Variants in NSMAF observed in about 807,000 individuals in gnomAD.
NSMAF encodes neutral sphingomyelinase activation associated factor.
NSMAF carries 90 observed loss-of-function variants against 134.9 expected under a neutral mutation model. That is an observed-to-expected ratio of 0.67 (90% CI 0.56 to 0.79). The LOEUF (loss-of-function observed/expected upper bound fraction) is 0.79. Among genes scored for constraint, NSMAF ranks in the 30% least tolerant of loss-of-function variants. The probability of loss-of-function intolerance (pLI) is 0.00; values close to 1 mark genes in which losing one functional copy is unlikely to be tolerated. For missense variants in NSMAF, 1,010 were observed against 1,119.0 expected (o/e 0.90, Z 1.39); for synonymous variants, 358 against 389.6 (o/e 0.92, Z 0.96).
intron 9 of NSMAF, among the ~76,000 whole-genome samples, chr8:58,613,565 A>C (rs1265175095): frequency 6.6e-6 from 1 of 152,182 alleles, no homozygotes; most frequent in Non-Finnish European, 1.5e-5. Context: ...AGAGGAACAA[A>C]AAAAAAATGA....
chr8:58,592,907 ACAAC>A (rs1227049800), intron 23 of NSMAF, among the ~76,000 whole-genome samples: 6 of 119,888 alleles, frequency 5.0e-5, no homozygotes, highest in African/African-American at 2.4e-4. Flanking sequence ...AAAAACAAAA[ACAAC>A]AACAACAAAA....
chr8:58,647,550 T>C (rs1187411431), intron 1 of NSMAF, among the ~76,000 whole-genome samples: 1 of 152,082 alleles, frequency 6.6e-6, no homozygotes, highest in Admixed American at 6.6e-5. Context: ...TGGGGGTAGA[T>C]CCCTCATGAC....
chr8:58,648,572 G>C (rs1434722310), intron 1 of NSMAF, among the ~76,000 whole-genome samples: 1 of 152,198 alleles, frequency 6.6e-6, no homozygotes, highest in African/African-American at 2.4e-5. Flanking sequence ...CATCACAGAG[G>C]GCCTAGGAGA....
intron 5 of NSMAF, among the ~76,000 whole-genome samples, chr8:58,632,323 C>A (rs1223502885): frequency 2.0e-5 from 3 of 152,122 alleles, no homozygotes; most frequent in African/African-American, 7.2e-5. Flanking sequence ...GCTGTCTGTA[C>A]CTTCCCTTGG....
intron 6 of NSMAF, among the ~76,000 whole-genome samples, chr8:58,628,057 A>G (rs1221799946): frequency 6.6e-6 from 1 of 152,230 alleles, no homozygotes; most frequent in Non-Finnish European, 1.5e-5. Flanking sequence ...AATGGAACAG[A>G]ACAGACAACC....
intron 24 of NSMAF, among the ~76,000 whole-genome samples, chr8:58,590,392 A>C (rs551465536): frequency 1.3e-5 from 2 of 152,340 alleles, no homozygotes; most frequent in Admixed American, 6.5e-5. Context: ...GATGATCCTC[A>C]AGAAAGAAAA....
At position 58,635,285 on chromosome 8, in the gene NSMAF, CAG is replaced by C. The variant is rs755221169; in HGVS notation, c.296+18_296+19del. 12 of 1,609,284 alleles carry C rather than the reference CAG, an allele frequency of 7.5e-6. No homozygotes were observed. Among genetic ancestry groups the C allele is most frequent in the African/African-American group, 5.4e-5 (4 of 74,680 alleles). On this transcript the variant is annotated intron_variant, in intron 4 of 30. Transcript: ENST00000038176. ...GCTTTTTGGTTGAAGTAAAATTAAA[CAG>C]TGGTGAAAATGACATACTTTGTGAA...
chr8:58,586,004 C>A lies in NSMAF; in HGVS notation c.2447-4G>T. ...GTGCTGAGGACATGGCGACTATCTG[C>A]AACACAAGGTGAGACTCAGATATGA... On this transcript the variant is annotated splice_region_variant and splice_polypyrimidine_tract_variant and intron_variant, in intron 28 of 30. Coordinates refer to ENST00000038176, the MANE Select transcript of NSMAF (RefSeq NM_003580.4). 1 of 1,607,702 alleles carries A rather than the reference C, an allele frequency of 6.2e-7. No homozygotes were observed. Among genetic ancestry groups the A allele is most frequent in the Non-Finnish European group, 8.5e-7 (1 of 1,174,430 alleles).
rs1806378923 is a variant in NSMAF at position 58,605,310 on chromosome 8, G to A, written c.868+617C>T. On this transcript the variant is annotated intron_variant, in intron 12 of 30. Coordinates refer to ENST00000038176, the MANE Select transcript of NSMAF (RefSeq NM_003580.4). ...TCCTTTTGCAGTCTTTCAGCTTTGT[G>A]GTTCTGACCACAATCAATGATCACA... is the stretch of plus-strand genomic sequence containing the variant. Among the ~76,000 whole-genome samples the A allele has an allele frequency of 3.3e-5, 5 of 152,130 alleles. No homozygotes were observed. The South Asian group carries it at 1.0e-3, about 32-fold the overall frequency.
chr8:58,595,688 A>G, intron 21 of NSMAF, 29 bp from the exon 22 acceptor site: 1 of 1,354,986 alleles, frequency 7.4e-7, no homozygotes, highest in Non-Finnish European at 1.1e-6. Flanking sequence ...ATTTTTGCTA[A>G]GTCAACTAAG....
intron 10 of NSMAF, 25 bp downstream of exon 10, chr8:58,609,579 C>T: frequency 6.2e-7 from 1 of 1,613,288 alleles, no homozygotes; most frequent in Admixed American, 1.7e-5. Flanking sequence ...GGGCAGCTCC[C>T]CACCTGACCC....
chr8:58,604,730 C>T (rs1034315261), intron 12 of NSMAF, among the ~76,000 whole-genome samples: 1 of 151,816 alleles, frequency 6.6e-6, no homozygotes, highest in Non-Finnish European at 1.5e-5. Flanking sequence ...TTAATAAAAT[C>T]CCAATATCCT....
chr8:58,626,269 G>A (rs1256381138), intron 6 of NSMAF, among the ~76,000 whole-genome samples: 2 of 137,460 alleles, frequency 1.5e-5, no homozygotes, highest in South Asian at 4.6e-4. Flanking sequence ...CTAATTTTTT[G>A]TATTTTTAGT....
At chr8:58,631,975 C>G (rs1223987247) in intron 5 of NSMAF, among the ~76,000 whole-genome samples, 2 of 152,164 alleles carry the variant, frequency 1.3e-5, no homozygotes, top group Admixed American at 6.5e-5. Context: ...TTCACATGCA[C>G]TGGGCCACTG....
intron 11 of NSMAF, 34 bp from the exon 12 acceptor site, chr8:58,606,069 A>AATAAAATAAAGG: frequency 6.7e-7 from 1 of 1,497,370 alleles, no homozygotes; most frequent in Non-Finnish European, 9.0e-7. Flanking sequence ...TAAAATAAAT[A>AATAAAATAAAGG]GCATTGTATT....
At chr8:58,616,770 C>T (rs1057112382) in intron 9 of NSMAF, among the ~76,000 whole-genome samples, 27 of 151,954 alleles carry the variant, frequency 1.8e-4, no homozygotes, top group Non-Finnish European at 2.5e-4. Flanking sequence ...AAAAGCCATA[C>T]GGATTTCTGT....
At chr8:58,605,749 G>A (rs566461736) in intron 12 of NSMAF, among the ~76,000 whole-genome samples, 178 bp downstream of exon 12, 5 of 151,858 alleles carry the variant, frequency 3.3e-5, no homozygotes, top group Admixed American at 6.6e-5. Flanking sequence ...GCGTGGTAGC[G>A]GGCACCTGTA....
chr8:58,605,413 C>A (rs1386905718), intron 12 of NSMAF, among the ~76,000 whole-genome samples: 2 of 152,120 alleles, frequency 1.3e-5, no homozygotes, highest in African/African-American at 4.8e-5. Flanking sequence ...CCTGACTGAA[C>A]ATAAAAATAT....
intron 1 of NSMAF, among the ~76,000 whole-genome samples, chr8:58,646,017 G>C (rs1443794890): frequency 1.3e-5 from 2 of 152,158 alleles, no homozygotes; most frequent in African/African-American, 2.4e-5. Context: ...CTCCAGCCTA[G>C]GCAACAAGAG....
Sources: allele counts gnomAD v4.1 joint callset (sites outside exome capture counted in the v4.1 genomes callset), GRCh38; gene constraint gnomAD v4.1.1; transcripts MANE v1.5; gene names NCBI Gene and HGNC (gene_info 2026-07-23, HGNC 2026-07-21).